PITRM1: variants seen among roughly 807,000 people sequenced by gnomAD.
The protein encoded by PITRM1 is pitrilysin metallopeptidase 1.
A neutral mutation model predicts 129.9 loss-of-function variants in PITRM1; 100 were observed. The observed-to-expected ratio is 0.77, with a 90% CI of 0.65 to 0.91. The LOEUF (loss-of-function observed/expected upper bound fraction) is 0.91. Among genes scored for constraint, PITRM1 ranks in the 40% least tolerant of loss-of-function variants. The pLI, the probability that PITRM1 is intolerant of heterozygous loss-of-function variation, is 0.00. For synonymous variants in PITRM1, 591 were observed against 508.8 expected, an observed-to-expected ratio of 1.16 and a Z score of -2.17; for missense variants, 1,471 against 1,318.3, an observed-to-expected ratio of 1.12 and a Z score of -1.79.
intron 12 of PITRM1, 123 bp from the exon 13 acceptor site, chr10:3,157,187 T>C (rs929874195): frequency 3.6e-5 from 34 of 945,360 alleles, no homozygotes; most frequent in Middle Eastern, 4.4e-4. Context: ...TGATTGTTTA[T>C]AACAAAAGTC....
Position 3,158,032 on chromosome 10 carries a change from A to G in PITRM1, c.1250+8T>C. On this transcript the variant is annotated splice_region_variant and intron_variant, in intron 11 of 26. Transcript: ENST00000224949. ...GAAAGCAGATTGTTACAAACAAGCT[A>G]CACTCACTCAACTACTTCATCAATC... 2.0e-6 allele frequency: 3 copies of G among 1,511,688 alleles called. No individual in the cohort carries two copies. The highest frequency in any genetic ancestry group is 2.8e-6 in the Non-Finnish European group (3 of 1,085,808). The allele number at this position is 1,511,688 out of a possible 1,614,324, so 93.6% of individuals were successfully genotyped here. A position where few individuals can be genotyped will look rare whatever the true frequency, so the allele number is the denominator to read the frequency against.
chr10:3,144,186 A>C, intron 22 of PITRM1, 106 bp downstream of exon 22: 1 of 684,088 alleles, frequency 1.5e-6, no homozygotes, highest in Admixed American at 2.6e-5. Flanking sequence ...GGGACACGCC[A>C]GCCCCACAGA....
At position 3,144,463 on chromosome 10, in the gene PITRM1, C is replaced by G. The variant is rs1162881913; in HGVS notation, c.2458-97G>C. 1.3e-5 allele frequency: 9 copies of G among 712,596 alleles called. No homozygotes were observed. The East Asian group carries it at 2.4e-4, about 19-fold the overall frequency. The allele number at this position is 712,596 out of a possible 1,614,324, so 44.1% of individuals were successfully genotyped here. A position where few individuals can be genotyped will look rare whatever the true frequency, so the allele number is the denominator to read the frequency against. On this transcript the variant is annotated intron_variant, in intron 21 of 26. Coordinates refer to ENST00000224949, the MANE Select transcript of PITRM1 (RefSeq NM_014889.4). ...TTTATAAAATTCACACAGCTAATAA[C>G]AAGTGTTAGGGCAGGTGTAAGTGTT...
intron 14 of PITRM1, among the ~76,000 whole-genome samples, chr10:3,152,077 C>G (rs990042928): frequency 6.6e-6 from 1 of 152,088 alleles, no homozygotes; most frequent in African/African-American, 2.4e-5. Context: ...TTCATTTTCA[C>G]TAATTTCAGC....
Position 3,157,034 on chromosome 10 carries a change from C to G in PITRM1, c.1378G>C (p.Asp460His), listed in dbSNP as rs767038390. The G allele has an allele frequency of 2.5e-6, 4 of 1,610,164 alleles. No individual in the cohort carries two copies. In the South Asian group the frequency reaches 4.4e-5, roughly 18 times the overall value. Residue 460 changes from aspartate (D) to histidine (H), a missense_variant, in exon 13 of 27, where the codon GAC (aspartate) becomes CAC (histidine). Asp to His is a moderately conservative substitution (Grantham distance 81). Coordinates refer to ENST00000224949, the MANE Select transcript of PITRM1 (RefSeq NM_014889.4). Reference sequence around the variant, plus strand: ...CCCAACTTCAAGAGCTCCACAGGGTCCCCATCATGGTTCCAGCAAGAAGCT... The same window carrying G: ...CCCAACTTCAAGAGCTCCACAGGGTGCCCATCATGGTTCCAGCAAGAAGCT... ...YIASCWNHDG[D>H]PVELLKLGNQ...
intron 22 of PITRM1, chr10:3,144,081 G>A (rs989008549): frequency 6.7e-6 from 4 of 594,404 alleles, no homozygotes; most frequent in South Asian, 4.1e-5. Context: ...CGGCACAGGA[G>A]GACACACCCC....
chr10:3,155,622 G>A lies in PITRM1; in HGVS notation c.1590C>T (p.Ser530=), dbSNP rs759304138. Residue 530 remains serine, a synonymous_variant, in exon 14 of 27, where the codon TCC becomes TCT. Transcript: ENST00000224949. The stretch of plus-strand genomic sequence containing the variant: ...CGTAGATCTGCTGCCTGTCTCCGGG[G>A]GACAGAGCCTCGACCTTCTGCTTGA... The part of the protein sequence containing the change: ...TKLKQKVEAL[S]PGDRQQIYEK... 4.3e-6 allele frequency: 7 copies of A among 1,613,898 alleles called. No individual in the cohort carries two copies. The East Asian group carries it at 1.6e-4, about 36-fold the overall frequency.
At chr10:3,170,790 G>A (rs1843265625) in intron 1 of PITRM1, among the ~76,000 whole-genome samples, 1 of 152,022 alleles carries the variant, frequency 6.6e-6, no homozygotes, top group Non-Finnish European at 1.5e-5. Context: ...GAGGTCAGGA[G>A]TTCGAGACCA....
Position 3,163,725 on chromosome 10 carries a change from C to A in PITRM1, c.791G>T (p.Arg264Met). ...TCAAACTTTTCCAACAAAATATTAC[C>A]TAGCATTGCTTGGGTGATAGTGAGT... Reference protein sequence around the residue: ...HATHYHPSNARFFTYGNFPLE... With the variant: ...HATHYHPSNAMFFTYGNFPLE... Residue 264 changes from arginine (R) to methionine (M), a missense_variant and splice_region_variant, in exon 7 of 27, where the codon AGG becomes ATG. Arg to Met is a moderately conservative substitution (Grantham distance 91). Coordinates refer to ENST00000224949, the MANE Select transcript of PITRM1 (RefSeq NM_014889.4). The A allele has an allele frequency of 6.2e-7, 1 of 1,600,270 alleles. No individual in the cohort carries two copies. Among genetic ancestry groups the A allele is most frequent in the South Asian group, 1.1e-5 (1 of 88,378 alleles).
chr10:3,157,370 T>C, intron 12 of PITRM1, 65 bp downstream of exon 12: 1 of 947,890 alleles, frequency 1.1e-6, no homozygotes. Context: ...AAAAGCCAGT[T>C]AAGCTAGTAA....
chr10:3,138,338 C>A lies in PITRM1; in HGVS notation c.2918-1G>T. On this transcript the variant is annotated splice_acceptor_variant, in intron 25 of 26. Transcript: ENST00000224949. LOFTEE classifies it high-confidence loss of function. ...AGGCCGTACAAGAAGTGGTCCATTC[C>A]TAGAAGACAATCCACAGGCACGATG... is the stretch of plus-strand genomic sequence containing the variant. 1.2e-6 allele frequency: 2 copies of A among 1,609,720 alleles called. No individual in the cohort carries two copies. Among genetic ancestry groups the A allele is most frequent in the Non-Finnish European group, 1.7e-6 (2 of 1,176,158 alleles).
At chr10:3,166,628 A>G (rs1842888690) in intron 3 of PITRM1, among the ~76,000 whole-genome samples, 1 of 152,196 alleles carries the variant, frequency 6.6e-6, no homozygotes, top group East Asian at 1.9e-4. Flanking sequence ...TACTAGTGAG[A>G]TGATATTTTA....
At chr10:3,144,410 C>T in intron 21 of PITRM1, 44 bp from the exon 22 acceptor site, 1 of 1,161,038 alleles carries the variant, frequency 8.6e-7, no homozygotes, top group Non-Finnish European at 1.3e-6. Context: ...ATCCAGAACT[C>T]ACTTGAAATA....
At position 3,148,017 on chromosome 10, in the gene PITRM1, A is replaced by G; in HGVS notation, c.2039T>C (p.Met680Thr). ...AAATATTTCACTCCATAGCTGCATC[A>G]TGTCTGGCAGGTTTCGATCCAGGCA... ...SLCLDRNLPD[M>T]MQLWSEIFNN... Residue 680 changes from methionine (M) to threonine (T), a missense_variant, in exon 18 of 27, where the codon ATG becomes ACG. Coordinates refer to ENST00000224949, the MANE Select transcript of PITRM1 (RefSeq NM_014889.4). 6.2e-7 allele frequency: 1 copy of G among 1,613,536 alleles called. No individual in the cohort carries two copies. The highest frequency in any genetic ancestry group is 8.5e-7 in the Non-Finnish European group (1 of 1,179,416).
At chr10:3,163,476 G>A (rs1401530204) in intron 7 of PITRM1, 1 of 298,340 alleles carries the variant, frequency 3.4e-6, no homozygotes. Context: ...GCGGGGCCAG[G>A]ACCCTCCTCT....
intron 14 of PITRM1, among the ~76,000 whole-genome samples, chr10:3,154,208 T>C (rs928781355): frequency 3.3e-5 from 5 of 152,244 alleles, no homozygotes; most frequent in Non-Finnish European, 7.3e-5. Flanking sequence ...TGCATCATTG[T>C]TGCGCTCCTT....
intron 10 of PITRM1, among the ~76,000 whole-genome samples, chr10:3,158,474 C>T (rs1009455342): frequency 2.0e-5 from 3 of 152,116 alleles, no homozygotes; most frequent in Non-Finnish European, 2.9e-5. Flanking sequence ...GGTGTGAACC[C>T]GGGAGGTGGA....
rs1420310707 is a variant in PITRM1 at position 3,149,769 on chromosome 10, G to A, written c.1739-16C>T. On this transcript the variant is annotated splice_polypyrimidine_tract_variant and intron_variant, in intron 15 of 26. Coordinates refer to ENST00000224949, the MANE Select transcript of PITRM1 (RefSeq NM_014889.4). ...ATATCTCCAGCTAGAAAAACAAAAG[G>A]GATTTAATTTTTATTGCTGCCAGTA... The A allele has an allele frequency of 7.4e-6, 12 of 1,612,656 alleles. No individual in the cohort carries two copies. Among genetic ancestry groups the A allele is most frequent in the South Asian group, 2.2e-5 (2 of 90,950 alleles).
At chr10:3,139,358 A>T (rs1178513622) in intron 24 of PITRM1, among the ~76,000 whole-genome samples, 2 of 152,222 alleles carry the variant, frequency 1.3e-5, no homozygotes, top group African/African-American at 2.4e-5. Flanking sequence ...GGGTAGGGGC[A>T]GGTCAGGATT....
Sources: gnomAD v4.1 joint callset for allele counts (sites outside exome capture counted in the v4.1 genomes callset) on GRCh38, gnomAD v4.1.1 for gene constraint, MANE v1.5 for transcripts, NCBI Gene and HGNC (gene_info 2026-07-23, HGNC 2026-07-21) for gene names.